The following PAK5 variants were observed in gnomAD, a reference collection of about 807,000 sequenced individuals.
PAK5 encodes p21 (RAC1) activated kinase 5.
A neutral mutation model predicts 65.9 loss-of-function variants in PAK5; 16 were observed. The observed-to-expected ratio is 0.24, with a 90% CI of 0.16 to 0.37. The LOEUF (loss-of-function observed/expected upper bound fraction) is 0.37. PAK5 is among the 10% of genes least tolerant of loss of function. PAK5 has a pLI of 1.00. For missense variants in PAK5, 785 were observed against 903.9 expected, an observed-to-expected ratio of 0.87 and a Z score of 1.69; for synonymous variants, 371 against 354.9, an observed-to-expected ratio of 1.05 and a Z score of -0.51.
intron 1 of PAK5, among the ~76,000 whole-genome samples, chr20:9,745,545 A>G (rs2048497183): frequency 6.6e-6 from 1 of 152,124 alleles, no homozygotes; most frequent in Non-Finnish European, 1.5e-5. Flanking sequence ...TGATTAACCT[A>G]ATTTATTAGT....
intron 6 of PAK5, among the ~76,000 whole-genome samples, 192 bp from the exon 7 acceptor site, chr20:9,557,926 A>G (rs2045533318): frequency 6.6e-6 from 1 of 152,236 alleles, no homozygotes; most frequent in Non-Finnish European, 1.5e-5. Flanking sequence ...TAAGAATGAC[A>G]GGGACCAAAT....
chr20:9,618,915 GTTTTTTTTTTTTTTTTTTTT>G (rs150725498), intron 3 of PAK5, among the ~76,000 whole-genome samples: 10 of 18,818 alleles, frequency 5.3e-4, no homozygotes, highest in East Asian at 2.3e-3. Flanking sequence ...TCTTTCTTTC[GTTTTTTTTTTTTTTTTTTTT>G]TTTTTTTTTT....
intron 3 of PAK5, among the ~76,000 whole-genome samples, chr20:9,604,771 G>C (rs935957660): frequency 8.5e-5 from 13 of 152,104 alleles, no homozygotes; most frequent in Non-Finnish European, 1.5e-5. Context: ...AAAGATACCT[G>C]GTTGTCTTGT....
Position 9,719,347 on chromosome 20 carries a change from T to C in PAK5, c.-161-7912A>G, listed in dbSNP as rs573150208. On this transcript the variant is annotated intron_variant, in intron 1 of 9. Transcript: ENST00000353224. ...GTTTGGGGATTTCTCCAAATACAGA[T>C]TGAGCACTATTTTATTTTTCTTTTC... Among the ~76,000 whole-genome samples the C allele has an allele frequency of 1.7e-3, 266 of 152,308 alleles. 1 individual carries two copies. Among genetic ancestry groups the C allele is most frequent in the Middle Eastern group, 0.01 (3 of 294 alleles).
chr20:9,601,999 T>G (rs546252904), intron 3 of PAK5, among the ~76,000 whole-genome samples: 2 of 152,250 alleles, frequency 1.3e-5, no homozygotes, highest in Non-Finnish European at 2.9e-5. Context: ...TTGGCAACCA[T>G]AGTTGACTAA....
intron 1 of PAK5, among the ~76,000 whole-genome samples, chr20:9,780,987 C>A (rs1281857246): frequency 1.3e-5 from 2 of 152,012 alleles, no homozygotes; most frequent in Admixed American, 1.3e-4. Context: ...CTCTTTATTT[C>A]ATGAAATAAA....
chr20:9,694,003 G>A (rs747507721), intron 2 of PAK5, among the ~76,000 whole-genome samples: 14 of 151,118 alleles, frequency 9.3e-5, no homozygotes, highest in Non-Finnish European at 1.8e-4. Flanking sequence ...TTTTTTTTAA[G>A]GTTTTTCAGG....
chr20:9,707,092 A>G (rs932435576), intron 2 of PAK5, among the ~76,000 whole-genome samples: 1 of 152,058 alleles, frequency 6.6e-6, no homozygotes, highest in African/African-American at 2.4e-5. Context: ...GTCTTTAAAT[A>G]CATACTATCC....
intron 1 of PAK5, among the ~76,000 whole-genome samples, chr20:9,781,666 C>A (rs1050695490): frequency 1.3e-5 from 2 of 152,122 alleles, no homozygotes; most frequent in African/African-American, 4.8e-5. Context: ...GAGGGGATGG[C>A]AACTTCTTCC....
intron 2 of PAK5, among the ~76,000 whole-genome samples, chr20:9,651,747 G>A (rs1030761341): frequency 1.3e-5 from 2 of 152,110 alleles, no homozygotes; most frequent in African/African-American, 4.8e-5. Context: ...TGAAGACGGG[G>A]TGGGGCACGC....
rs923751266 is a variant in PAK5, at chr20:9,782,771, A to C, written c.-162+55991T>G. On this transcript the variant is annotated intron_variant, in intron 1 of 9. Transcript: ENST00000353224. ...TTTCAGTCTAGTAGGAAGTCTGACA[A>C]AGAATCAGAAATTGAATTATAATGT... Among the ~76,000 whole-genome samples the C allele has an allele frequency of 7.9e-5, 12 of 152,272 alleles. No homozygotes were observed. In the South Asian group the frequency reaches 1.2e-3, roughly 16 times the overall value.
chr20:9,652,042 C>T (rs1250650534), intron 2 of PAK5, among the ~76,000 whole-genome samples: 1 of 152,164 alleles, frequency 6.6e-6, no homozygotes, highest in Non-Finnish European at 1.5e-5. Flanking sequence ...TATTGACTCC[C>T]TCACGAAGAG....
At chr20:9,809,422 A>G (rs1174730638) in intron 1 of PAK5, among the ~76,000 whole-genome samples, 1 of 151,910 alleles carries the variant, frequency 6.6e-6, no homozygotes, top group Non-Finnish European at 1.5e-5. Context: ...AAAAATAAAA[A>G]GGAGAAAACA....
chr20:9,613,658 G>C (rs2046605391), intron 3 of PAK5, among the ~76,000 whole-genome samples: 1 of 152,166 alleles, frequency 6.6e-6, no homozygotes, highest in South Asian at 2.1e-4. Context: ...CACTTTATCA[G>C]AGCTTAAACT....
chr20:9,753,422 A>T (rs2048598881), intron 1 of PAK5, among the ~76,000 whole-genome samples: 1 of 152,162 alleles, frequency 6.6e-6, no homozygotes, highest in Admixed American at 6.5e-5. Context: ...AACAGCTATG[A>T]CCATGAACTA....
At chr20:9,741,775 G>A (rs8123945) in intron 1 of PAK5, among the ~76,000 whole-genome samples, 10,551 of 151,692 alleles carry the variant, frequency 0.07, 396 homozygotes, top group Middle Eastern at 0.11. Flanking sequence ...AACTAACTTA[G>A]TTAAGACCTG....
intron 6 of PAK5, among the ~76,000 whole-genome samples, chr20:9,559,861 T>G (rs2045566505): frequency 6.6e-6 from 1 of 152,214 alleles, no homozygotes; most frequent in Non-Finnish European, 1.5e-5. Context: ...AGCCTACAAC[T>G]TCTGTGTTCT....
chr20:9,592,935 T>C (rs578138628), intron 3 of PAK5, among the ~76,000 whole-genome samples: 1 of 152,206 alleles, frequency 6.6e-6, no homozygotes, highest in Admixed American at 6.5e-5. Context: ...CAATCAGAGA[T>C]ACAAGCCCGT....
chr20:9,636,636 T>A (rs2046986131), intron 3 of PAK5, among the ~76,000 whole-genome samples: 1 of 152,128 alleles, frequency 6.6e-6, no homozygotes, highest in Admixed American at 6.5e-5. Context: ...AGAAAAGGGA[T>A]GGTAAATAAG....
Sources: gnomAD v4.1 joint callset for allele counts (sites outside exome capture counted in the v4.1 genomes callset) on GRCh38, gnomAD v4.1.1 for gene constraint, MANE v1.5 for transcripts, NCBI Gene and HGNC (gene_info 2026-07-23, HGNC 2026-07-21) for gene names.